Variants in TRAM1 observed in about 807,000 individuals in gnomAD.
TRAM1 encodes translocation associated membrane protein 1, also known as translocating chain-associated membrane protein 1.
In TRAM1, 17 loss-of-function variants were observed where a neutral mutation model predicts 48.7. The observed-to-expected ratio is 0.35, with a 90% CI of 0.24 to 0.52. TRAM1 has a LOEUF of 0.52. TRAM1 is among the 20% of genes least tolerant of loss of function. The pLI is 0.94. For missense variants in TRAM1, 351 were observed against 441.5 expected, an observed-to-expected ratio of 0.79 and a Z score of 1.84; for synonymous variants, 182 against 154.0, an observed-to-expected ratio of 1.18 and a Z score of -1.34.
chr8:70,592,346 T>C (rs1344741955), intron 6 of TRAM1, among the ~76,000 whole-genome samples: 1 of 152,216 alleles, frequency 6.6e-6, no homozygotes, highest in Non-Finnish European at 1.5e-5. Flanking sequence ...ACAATCACTG[T>C]ACTAGTTTCT....
chr8:70,600,903 A>T (rs1431088231), intron 1 of TRAM1, among the ~76,000 whole-genome samples: 16 of 152,156 alleles, frequency 1.1e-4, no homozygotes, highest in Non-Finnish European at 1.5e-5. Flanking sequence ...GATAGAAGAA[A>T]CAGAGCGTGG....
chr8:70,589,143 T>G (rs1817293537), intron 6 of TRAM1, among the ~76,000 whole-genome samples: 2 of 152,212 alleles, frequency 1.3e-5, no homozygotes, highest in African/African-American at 4.8e-5. Context: ...AGGTAGAACA[T>G]AAGACAGTCT....
chr8:70,608,233 G>T lies in TRAM1; in HGVS notation c.-34C>A, dbSNP rs756945596. The T allele has an allele frequency of 2.6e-6, 4 of 1,567,738 alleles. No individual in the cohort carries two copies. In the African/African-American group the frequency reaches 5.6e-5, roughly 22 times the overall value. On this transcript the variant is annotated 5_prime_UTR_variant, in exon 1 of 11. Transcript: ENST00000262213. ...CGCCGCCCGCGCCTGCAGGTGCTCC[G>T]CCCCGGTTCTGCTCTTCCCAGCTGC...
intron 8 of TRAM1, among the ~76,000 whole-genome samples, chr8:70,586,634 A>G (rs916989882): frequency 5.9e-5 from 9 of 152,208 alleles, no homozygotes; most frequent in Non-Finnish European, 1.2e-4. Context: ...TGCAACAAAC[A>G]AAGTAAAAGT....
At chr8:70,581,784 T>C (rs916819042) in intron 10 of TRAM1, among the ~76,000 whole-genome samples, 22 of 152,252 alleles carry the variant, frequency 1.4e-4, no homozygotes, top group Non-Finnish European at 3.2e-4. Flanking sequence ...CAATGGAATA[T>C]TAATTGGCTG....
chr8:70,597,379 T>C (rs890745481), intron 4 of TRAM1, among the ~76,000 whole-genome samples: 2 of 152,036 alleles, frequency 1.3e-5, no homozygotes, highest in African/African-American at 2.4e-5. Flanking sequence ...CACTATAAGA[T>C]ACAAAAGTAA....
chr8:70,583,073 GAC>G (rs145198874), intron 10 of TRAM1, 89 bp downstream of exon 10: 98,429 of 1,375,084 alleles, frequency 0.072, 3,938 homozygotes, highest in Middle Eastern at 0.085. Context: ...TTCTTTATAA[GAC>G]ACCTTAAAAC....
intron 1 of TRAM1, among the ~76,000 whole-genome samples, chr8:70,605,109 T>C (rs924381585): frequency 6.6e-6 from 1 of 152,246 alleles, no homozygotes; most frequent in Non-Finnish European, 1.5e-5. Context: ...ATAATCTCTT[T>C]AGATGCTAAC....
intron 1 of TRAM1, among the ~76,000 whole-genome samples, chr8:70,605,491 C>T (rs979329289): frequency 3.3e-5 from 5 of 151,924 alleles, no homozygotes; most frequent in Non-Finnish European, 7.4e-5. Flanking sequence ...CATAAATCCT[C>T]TGACATTTCC....
Position 70,574,854 on chromosome 8 carries a change from C to A in TRAM1, c.*78G>T. The A allele has an allele frequency of 1.9e-6, 2 of 1,043,968 alleles. No individual in the cohort carries two copies. Among genetic ancestry groups the A allele is most frequent in the Non-Finnish European group, 2.9e-6 (2 of 697,242 alleles). 64.7% of individuals were successfully genotyped at this position (1,043,968 alleles called of 1,614,324 possible). A position where few individuals can be genotyped will look rare whatever the true frequency, so the allele number is the denominator to read the frequency against. On this transcript the variant is annotated 3_prime_UTR_variant, in exon 11 of 11. Coordinates refer to ENST00000262213, the MANE Select transcript of TRAM1 (RefSeq NM_014294.6). The stretch of plus-strand genomic sequence containing the variant: ...AGAGCACAGACTGTATTTTCAAGAA[C>A]AGAAAAATCTCTAATGCTGAAAGAT...
At chr8:70,588,753 A>C (rs1817282908) in intron 6 of TRAM1, among the ~76,000 whole-genome samples, 1 of 152,244 alleles carries the variant, frequency 6.6e-6, no homozygotes, top group African/African-American at 2.4e-5. Flanking sequence ...GACAGTGATA[A>C]GCTCAACAGG....
chr8:70,602,757 GA>G (rs1817630859), intron 1 of TRAM1, among the ~76,000 whole-genome samples: 1 of 152,192 alleles, frequency 6.6e-6, no homozygotes, highest in Admixed American at 6.5e-5. Flanking sequence ...GCATGAGTAT[GA>G]CTTTCTCTGG....
chr8:70,585,620 C>A (rs950462780), intron 8 of TRAM1, among the ~76,000 whole-genome samples: 1 of 135,664 alleles, frequency 7.4e-6, no homozygotes, highest in Admixed American at 7.4e-5. Context: ...AGGATATGAA[C>A]AGACACTTCT....
chr8:70,577,120 G>A (rs1456286485), intron 10 of TRAM1, among the ~76,000 whole-genome samples: 2 of 152,194 alleles, frequency 1.3e-5, no homozygotes, highest in African/African-American at 2.4e-5. Flanking sequence ...AAGTTCCCAA[G>A]GCAGCTCCCT....
chr8:70,592,276 T>C (rs1386027780), intron 6 of TRAM1, among the ~76,000 whole-genome samples: 2 of 152,224 alleles, frequency 1.3e-5, no homozygotes, highest in East Asian at 1.9e-4. Flanking sequence ...CTAACACACC[T>C]CTTGAACTGC....
chr8:70,596,335 T>C lies in TRAM1; in HGVS notation c.427-14A>G, dbSNP rs1817487029. The C allele has an allele frequency of 2.5e-6, 4 of 1,578,942 alleles. No individual in the cohort carries two copies. Among genetic ancestry groups the C allele is most frequent in the Non-Finnish European group, 3.4e-6 (4 of 1,163,922 alleles). On this transcript the variant is annotated splice_polypyrimidine_tract_variant and intron_variant, in intron 4 of 10. Transcript: ENST00000262213. ...GATGTAGTTTTCCTAAGAAAGAAGA[T>C]ATAAAAATTAACCTGTGAGCATAAT...
At chr8:70,593,457 C>T (rs1480306292) in intron 6 of TRAM1, among the ~76,000 whole-genome samples, 1 of 149,660 alleles carries the variant, frequency 6.7e-6, no homozygotes, top group Non-Finnish European at 1.5e-5. Context: ...ACACAACAGA[C>T]AGAAAAGATT....
At chr8:70,596,724 G>T (rs1277951926) in intron 4 of TRAM1, among the ~76,000 whole-genome samples, 2 of 151,436 alleles carry the variant, frequency 1.3e-5, no homozygotes, top group African/African-American at 4.9e-5. Context: ...AAAGGATCAG[G>T]GTGCTACCGA....
At chr8:70,575,515 G>A (rs1162856739) in intron 10 of TRAM1, among the ~76,000 whole-genome samples, 1 of 151,964 alleles carries the variant, frequency 6.6e-6, no homozygotes, top group African/African-American at 2.4e-5. Context: ...AACTCCCGGG[G>A]ACCAGTGATG....
Sources: gnomAD v4.1 joint callset for allele counts (sites outside exome capture counted in the v4.1 genomes callset) on GRCh38, gnomAD v4.1.1 for gene constraint, MANE v1.5 for transcripts, NCBI Gene and HGNC (gene_info 2026-07-23, HGNC 2026-07-21) for gene names.